EPHA5: variants seen among roughly 807,000 people sequenced by gnomAD.
EPHA5 encodes the protein ephrin type-A receptor 5.
In EPHA5, 60 loss-of-function variants were observed where a neutral mutation model predicts 105.0. The ratio of observed to expected loss-of-function variants is 0.57; its 90% confidence interval spans 0.46 to 0.71. EPHA5 has a LOEUF of 0.71. Ranked by LOEUF, EPHA5 falls within the 30% of genes least tolerant of loss-of-function variation. The probability of loss-of-function intolerance (pLI) is 0.00; values close to 1 mark genes in which losing one functional copy is unlikely to be tolerated. For missense variants in EPHA5, 1,218 were observed against 1,274.7 expected (o/e 0.96, Z 0.68); for synonymous variants, 513 against 449.1 (o/e 1.14, Z -1.80).
rs576866993 is a variant in EPHA5 at position 65,527,480 on chromosome 4, G to A, written c.911-31937C>T. On this transcript the variant is annotated intron_variant, in intron 3 of 16. Coordinates refer to ENST00000613740, the MANE Select transcript of EPHA5 (RefSeq NM_001281766.3). ...GTCATAACTTCAGGATAATGTTTACGTTTGGAAAGGTTTATGACAGAATAA... is the reference window on the plus strand; with the variant it reads ...GTCATAACTTCAGGATAATGTTTACATTTGGAAAGGTTTATGACAGAATAA... Among the ~76,000 whole-genome samples the A allele has an allele frequency of 5.3e-5, 8 of 152,168 alleles. 1 individual carries two copies. The South Asian group carries it at 8.3e-4, about 16-fold the overall frequency.
intron 3 of EPHA5, among the ~76,000 whole-genome samples, chr4:65,502,682 G>A (rs1275109810): frequency 3.3e-5 from 5 of 151,826 alleles, no homozygotes; most frequent in African/African-American, 1.2e-4. Flanking sequence ...ATGGAAAGCA[G>A]TTTGGAGATT....
intron 8 of EPHA5, among the ~76,000 whole-genome samples, chr4:65,369,181 T>C (rs1718215154): frequency 6.6e-6 from 1 of 152,148 alleles, no homozygotes; most frequent in Non-Finnish European, 1.5e-5. Context: ...GATGAATGAA[T>C]AAATGAATGA....
chr4:65,594,634 G>A (rs574892340), intron 3 of EPHA5, among the ~76,000 whole-genome samples: 1 of 152,232 alleles, frequency 6.6e-6, no homozygotes, highest in South Asian at 2.1e-4. Flanking sequence ...AAGAAATCAC[G>A]AGGTTTTTGG....
chr4:65,519,881 C>T (rs1167522619), intron 3 of EPHA5, among the ~76,000 whole-genome samples: 3 of 151,964 alleles, frequency 2.0e-5, no homozygotes, highest in African/African-American at 7.3e-5. Context: ...TAAAAGAGGA[C>T]ACAAACAAAT....
At chr4:65,514,748 C>A (rs1733940525) in intron 3 of EPHA5, among the ~76,000 whole-genome samples, 1 of 152,090 alleles carries the variant, frequency 6.6e-6, no homozygotes, top group African/African-American at 2.4e-5. Flanking sequence ...AATCTCATGC[C>A]ATCAAACTAT....
intron 1 of EPHA5, among the ~76,000 whole-genome samples, chr4:65,645,275 T>A (rs1242559510): frequency 1.3e-5 from 2 of 152,112 alleles, no homozygotes; most frequent in African/African-American, 4.8e-5. Flanking sequence ...ACCAAGGGGT[T>A]GCAGAACCTA....
intron 3 of EPHA5, among the ~76,000 whole-genome samples, chr4:65,575,876 C>T (rs891696827): frequency 2.0e-5 from 3 of 151,056 alleles, no homozygotes; most frequent in African/African-American, 7.3e-5. Flanking sequence ...ACTTGGGAGG[C>T]TGAGGCAGGA....
At chr4:65,339,893 G>A (rs948058329) in intron 14 of EPHA5, among the ~76,000 whole-genome samples, 7 of 152,094 alleles carry the variant, frequency 4.6e-5, no homozygotes, top group Admixed American at 6.5e-5. Context: ...AACCCGCATG[G>A]TCCACACAGA....
intron 3 of EPHA5, among the ~76,000 whole-genome samples, chr4:65,559,969 T>C (rs1738841868): frequency 6.6e-6 from 1 of 152,168 alleles, no homozygotes; most frequent in African/African-American, 2.4e-5. Flanking sequence ...CCACAGCTGG[T>C]ACATAAGGAT....
intron 1 of EPHA5, among the ~76,000 whole-genome samples, chr4:65,650,648 A>G (rs1436047735): frequency 1.3e-5 from 2 of 151,930 alleles, no homozygotes; most frequent in Admixed American, 6.6e-5. Context: ...CCCCACATTG[A>G]ATCATTGACC....
intron 2 of EPHA5, among the ~76,000 whole-genome samples, chr4:65,605,786 C>T (rs1744174058): frequency 1.3e-5 from 2 of 152,032 alleles, no homozygotes; most frequent in African/African-American, 4.8e-5. Context: ...GTTTTAGTCC[C>T]AGCTCTTATA....
At chr4:65,651,246 C>A (rs1044092967) in intron 1 of EPHA5, among the ~76,000 whole-genome samples, 2 of 152,118 alleles carry the variant, frequency 1.3e-5, no homozygotes, top group African/African-American at 4.8e-5. Context: ...GTATCTGGTT[C>A]CAAATTATAT....
Position 65,490,429 on chromosome 4 carries a change from C to T in EPHA5, c.1350G>A (p.Leu450=), listed in dbSNP as rs1295711230. ...ACACATACTGCCGGGCTCCTGGGCT[C>T]AAGTCGGACACTCCATTCACTGCCT... ...EIEAVNGVSD[L]SPGARQYVSV... The change falls in exon 5 of 17, where the codon TTG becomes TTA. Residue 450 remains leucine (L), a synonymous_variant. Transcript: ENST00000613740. 1.2e-6 allele frequency: 2 copies of T among 1,614,088 alleles called. No individual in the cohort carries two copies.
At chr4:65,387,070 T>G (rs1720169507) in intron 8 of EPHA5, among the ~76,000 whole-genome samples, 1 of 151,776 alleles carries the variant, frequency 6.6e-6, no homozygotes, top group Admixed American at 6.6e-5. Flanking sequence ...AAGAATATGT[T>G]GGAAAATAGC....
intron 5 of EPHA5, among the ~76,000 whole-genome samples, chr4:65,483,860 C>T (rs1185424313): frequency 1.3e-5 from 2 of 152,056 alleles, no homozygotes; most frequent in Non-Finnish European, 2.9e-5. Flanking sequence ...GACCTCTGAG[C>T]ATCTCTCTCC....
At chr4:65,407,682 TTTAA>T (rs1358990207) in intron 7 of EPHA5, among the ~76,000 whole-genome samples, 1 of 150,772 alleles carries the variant, frequency 6.6e-6, no homozygotes, top group Non-Finnish European at 1.5e-5. Flanking sequence ...ATTATTTTAA[TTTAA>T]TTTATTTATA....
intron 8 of EPHA5, among the ~76,000 whole-genome samples, chr4:65,402,221 C>G (rs1354551791): frequency 1.3e-5 from 2 of 152,034 alleles, no homozygotes; most frequent in Non-Finnish European, 2.9e-5. Flanking sequence ...GAGACCACCC[C>G]CTCCATGTGG....
At chr4:65,393,792 C>A (rs545861828) in intron 8 of EPHA5, among the ~76,000 whole-genome samples, 78 of 152,180 alleles carry the variant, frequency 5.1e-4, no homozygotes, top group South Asian at 4.1e-4. Context: ...CTATCATTTG[C>A]AAGCAAATAA....
chr4:65,640,283 T>C (rs7662271), intron 2 of EPHA5, among the ~76,000 whole-genome samples: 10 of 47,384 alleles, frequency 2.1e-4, no homozygotes, highest in Non-Finnish European at 3.4e-4. Flanking sequence ...CAGTTTTTTC[T>C]TTTTTTTTTT....
Sources: allele counts gnomAD v4.1 joint callset (sites outside exome capture counted in the v4.1 genomes callset), GRCh38; gene constraint gnomAD v4.1.1; transcripts MANE v1.5; gene names NCBI Gene and HGNC (gene_info 2026-07-23, HGNC 2026-07-21).